Variants in UAP1L1 observed in about 807,000 individuals in gnomAD.
The protein encoded by UAP1L1 is UDP-N-acetylhexosamine pyrophosphorylase-like protein 1.
A neutral mutation model predicts 45.3 loss-of-function variants in UAP1L1; 45 were observed. The ratio of observed to expected loss-of-function variants is 0.99; its 90% CI spans 0.78 to 1.27. The LOEUF (loss-of-function observed/expected upper bound fraction) is 1.27, where lower values mean the gene tolerates loss of function less well. UAP1L1 is among the 50% of genes most tolerant of loss of function. The pLI, the probability that UAP1L1 is intolerant of heterozygous loss-of-function variation, is 0.00. For synonymous variants in UAP1L1, 323 were observed against 303.9 expected, an observed-to-expected ratio of 1.06 and a Z score of -0.65; for missense variants, 667 against 694.0, an observed-to-expected ratio of 0.96 and a Z score of 0.44.
chr9:137,077,876 G>GTT lies in UAP1L1; in HGVS notation c.289+56_289+57insTT, dbSNP rs1382166453. On this transcript the variant is annotated intron_variant, in intron 1 of 8. Coordinates refer to ENST00000409858, the MANE Select transcript of UAP1L1 (RefSeq NM_207309.3). This position sits in a 1 kb window ranked among gnomAD's most constrained non-coding sequence, Gnocchi z 4.7. ...GCAGGGGGTCGTGCCCACGGAGCGG[G>GTT]TGGGAACCGAGGCCGCGCTCGGGGA... 5.5e-6 allele frequency: 8 copies of GTT among 1,464,250 alleles called. 1 individual carries two copies. The highest frequency in any genetic ancestry group is 4.6e-5 in the Admixed American group (2 of 43,178). 90.7% of individuals were successfully genotyped at this position (1,464,250 alleles called of 1,614,324 possible).
At chr9:137,081,308 T>C (rs1832784695) in intron 7 of UAP1L1, among the ~76,000 whole-genome samples, 3 of 151,916 alleles carry the variant, frequency 2.0e-5, no homozygotes, top group Admixed American at 6.6e-5. Flanking sequence ...TTTCCGCCAT[T>C]CTCCTGCCTC....
In UAP1L1 at chr9:137,078,982, A is replaced by G. The variant is rs985997414; in HGVS notation, c.677A>G (p.Asn226Ser). The G allele has an allele frequency of 1.3e-5, 20 of 1,587,228 alleles. 1 individual carries two copies. In the Middle Eastern group the frequency reaches 1.7e-3, roughly 133 times the overall value. ...TTCCCTTCTCCGTCTGCAGACGGCA[A>G]CGGGGGCCTCTACTGCGCGCTGGAG... is the stretch of plus-strand genomic sequence containing the variant. ...KDKVAMAPDG[N>S]GGLYCALEDH... Residue 226 changes from asparagine to serine, a missense_variant, in exon 4 of 9, where the codon AAC becomes AGC. Physicochemically the swap from Asn to Ser is conservative, Grantham distance 46 (BLOSUM62 1). Coordinates refer to ENST00000409858, the MANE Select transcript of UAP1L1 (RefSeq NM_207309.3).
At chr9:137,079,812 G>A (rs1832763156) in intron 5 of UAP1L1, 190 bp from the exon 6 acceptor site, 1 of 677,330 alleles carries the variant, frequency 1.5e-6, no homozygotes, top group Non-Finnish European at 2.5e-6. Context: ...CTTGGCACAG[G>A]GATGCAGGGA....
rs1339552841 is a variant in UAP1L1, at chr9:137,080,765, A to G, written c.1255A>G (p.Ser419Gly). ...GAACGCAGAGCCAGCCGACAGGGACAGTCCCCGCACCGCTCGCCAGGCCCT... is the reference window on the plus strand; with the variant it reads ...GAACGCAGAGCCAGCCGACAGGGACGGTCCCCGCACCGCTCGCCAGGCCCT... ...LKNAEPADRD[S>G]PRTARQALLT... The change falls in exon 7 of 9, where the codon AGT becomes GGT. Residue 419 changes from serine (S) to glycine (G), a missense_variant. By Grantham distance (56) the Ser-to-Gly change is moderately conservative. Coordinates refer to ENST00000409858, the MANE Select transcript of UAP1L1 (RefSeq NM_207309.3). 4 of 1,612,832 alleles carry G rather than the reference A, an allele frequency of 2.5e-6. No homozygotes were observed. The highest frequency in any genetic ancestry group is 3.4e-6 in the Non-Finnish European group (4 of 1,179,940).
rs1832803975 is a variant in UAP1L1 at position 137,082,442 on chromosome 9, G to A, written c.1432-195G>A. On this transcript the variant is annotated intron_variant, in intron 8 of 8. Transcript: ENST00000409858. This position sits in a 1 kb window ranked among gnomAD's most constrained non-coding sequence, Gnocchi z 5.7. ...GACAGGAGGGTCCCCTGCTGGCCTAGGGTCTTGAGTGTGGTCTTGGGTGGC... is the reference window on the plus strand; with the variant it reads ...GACAGGAGGGTCCCCTGCTGGCCTAAGGTCTTGAGTGTGGTCTTGGGTGGC... The A allele has an allele frequency of 1.7e-6, 1 of 599,358 alleles. No homozygotes were observed. The highest frequency in any genetic ancestry group is 1.9e-5 in the African/African-American group (1 of 53,800). 37.1% of individuals were successfully genotyped at this position (599,358 alleles called of 1,614,324 possible).
chr9:137,079,090 TG>T lies in UAP1L1; in HGVS notation c.787del (p.Ala263ArgfsTer90), dbSNP rs757722223. The T allele has an allele frequency of 3.7e-6, 6 of 1,611,368 alleles. No homozygotes were observed. The African/African-American group carries it at 8.0e-5, about 22-fold the overall frequency. On this transcript the variant is annotated frameshift_variant, in exon 4 of 9. Transcript: ENST00000409858. LOFTEE classifies it high-confidence loss of function. ...TGTGTGGACAACATCCTGGTGCGGC[TG>T]GCGGACCCTGTCTTCATCGGCTTCT... ...VYCVDNILVR[L>X]ADPVFIGFCV...
intron 5 of UAP1L1, chr9:137,079,752 G>C: frequency 1.7e-6 from 1 of 602,812 alleles, no homozygotes; most frequent in East Asian, 2.9e-5. Context: ...CTGCTCTGGG[G>C]CTTGCCAGTT....
rs1832807406 is a variant in UAP1L1 at position 137,082,624 on chromosome 9, T to G, written c.1432-13T>G. On this transcript the variant is annotated splice_polypyrimidine_tract_variant and intron_variant, in intron 8 of 8. Transcript: ENST00000409858. The surrounding 1 kb of genome is among the most constrained non-coding windows in gnomAD (Gnocchi z 5.7). ...AGGTGGGTACTTGGCCATTGTCCCC[T>G]GCTCGTCTCCAGGGTTTAGAAGTGT... 1 of 1,550,878 alleles carries G rather than the reference T, an allele frequency of 6.4e-7. No individual in the cohort carries two copies. Among genetic ancestry groups the G allele is most frequent in the Non-Finnish European group, 8.7e-7 (1 of 1,146,410 alleles).
In UAP1L1 at chr9:137,082,961, AGTGGCGACAGCCTGCTGGGGGCTCT is replaced by A; in HGVS notation, c.*238_*262del. On this transcript the variant is annotated 3_prime_UTR_variant, in exon 9 of 9. Transcript: ENST00000409858. The surrounding 1 kb of genome is among the most constrained non-coding windows in gnomAD (Gnocchi z 5.7). The stretch of plus-strand genomic sequence containing the variant: ...GCCTCTCCTGTCGCCTCTGGACACA[AGTGGCGACAGCCTGCTGGGGGCTCT>A]GTGGCTCCATTCCTGGCTGTGGGGT... 1 of 518,650 alleles carries A rather than the reference AGTGGCGACAGCCTGCTGGGGGCTCT, an allele frequency of 1.9e-6. No homozygotes were observed. The highest frequency in any genetic ancestry group is 3.5e-6 in the Non-Finnish European group (1 of 284,320). 32.1% of individuals were successfully genotyped at this position (518,650 alleles called of 1,614,324 possible). A position where few individuals can be genotyped will look rare whatever the true frequency, so the allele number is the denominator to read the frequency against.
At position 137,080,702 on chromosome 9, in the gene UAP1L1, T is replaced by G. The variant is rs775539233; in HGVS notation, c.1192T>G (p.Leu398Val). ...VFRFAKNFAA[L>V]EVLREEEFSP... Reference sequence around the variant, plus strand: ...TTTCCCCACCAGGAACTTTGCTGCCTTGGAAGTGCTGCGGGAGGAGGAATT... The same window carrying G: ...TTTCCCCACCAGGAACTTTGCTGCCGTGGAAGTGCTGCGGGAGGAGGAATT... Residue 398 changes from leucine to valine, a missense_variant, in exon 7 of 9, where the codon TTG (leucine) becomes GTG (valine). Leu to Val is a conservative substitution (Grantham distance 32). Coordinates refer to ENST00000409858, the MANE Select transcript of UAP1L1 (RefSeq NM_207309.3). The G allele has an allele frequency of 4.3e-6, 7 of 1,611,494 alleles. No individual in the cohort carries two copies. Among genetic ancestry groups the G allele is most frequent in the Non-Finnish European group, 5.9e-6 (7 of 1,179,134 alleles).
intron 6 of UAP1L1, chr9:137,080,368 C>A: frequency 1.6e-6 from 1 of 610,380 alleles, no homozygotes; most frequent in Non-Finnish European, 2.9e-6. Context: ...ACAGTAGTGC[C>A]ACCTCCCGGA....
rs748864656 is a variant in UAP1L1 at position 137,078,299 on chromosome 9, AC to A, written c.494+46del. 4.7e-5 allele frequency: 71 copies of A among 1,504,478 alleles called. No homozygotes were observed. In the South Asian group the frequency reaches 5.5e-4, roughly 12 times the overall value. The allele number at this position is 1,504,478 out of a possible 1,614,324, so 93.2% of individuals were successfully genotyped here. A position where few individuals can be genotyped will look rare whatever the true frequency, so the allele number is the denominator to read the frequency against. ...CCTCGGCCCGGAGGTACCCTTCCCCACGCCCCCCCACATCCCCGCTCCAGAC... is the reference window on the plus strand; with the variant it reads ...CCTCGGCCCGGAGGTACCCTTCCCCAGCCCCCCCACATCCCCGCTCCAGAC... On this transcript the variant is annotated intron_variant, in intron 2 of 8. Coordinates refer to ENST00000409858, the MANE Select transcript of UAP1L1 (RefSeq NM_207309.3).
chr9:137,082,563 C>T lies in UAP1L1; in HGVS notation c.1432-74C>T. On this transcript the variant is annotated intron_variant, in intron 8 of 8. Transcript: ENST00000409858. The surrounding 1 kb of genome is among the most constrained non-coding windows in gnomAD (Gnocchi z 5.7). ...CTGGGATCGCACCTGGGGACTGTGG[C>T]TCTTGGTGTGGCCAGAGGGGCTGTG... 1 of 1,264,388 alleles carries T rather than the reference C, an allele frequency of 7.9e-7. No individual in the cohort carries two copies. Among genetic ancestry groups the T allele is most frequent in the Non-Finnish European group, 1.1e-6 (1 of 889,884 alleles). 78.3% of individuals were successfully genotyped at this position (1,264,388 alleles called of 1,614,324 possible).
In UAP1L1 at chr9:137,082,622, C is replaced by T. The variant is rs1052605731; in HGVS notation, c.1432-15C>T. ...AAAGGTGGGTACTTGGCCATTGTCCCCTGCTCGTCTCCAGGGTTTAGAAGT... is the reference window on the plus strand; with the variant it reads ...AAAGGTGGGTACTTGGCCATTGTCCTCTGCTCGTCTCCAGGGTTTAGAAGT... On this transcript the variant is annotated splice_polypyrimidine_tract_variant and intron_variant, in intron 8 of 8. Coordinates refer to ENST00000409858, the MANE Select transcript of UAP1L1 (RefSeq NM_207309.3). The surrounding 1 kb of genome is among the most constrained non-coding windows in gnomAD (Gnocchi z 5.7). 1.9e-6 allele frequency: 3 copies of T among 1,550,566 alleles called. No individual in the cohort carries two copies. The highest frequency in any genetic ancestry group is 2.4e-5 in the South Asian group (2 of 84,034).
chr9:137,080,267 G>A (rs1832770204), intron 6 of UAP1L1, 125 bp downstream of exon 6: 1 of 1,285,672 alleles, frequency 7.8e-7, no homozygotes, highest in Admixed American at 1.9e-5. Context: ...GCAAGTCTCA[G>A]GGAGAAGACC....
rs1399658940 is a variant in UAP1L1, at chr9:137,082,045, T to C, written c.1412T>C (p.Leu471Ser). The C allele has an allele frequency of 1.9e-6, 3 of 1,614,000 alleles. No homozygotes were observed. The highest frequency in any genetic ancestry group is 2.7e-5 in the African/African-American group (2 of 75,030). Residue 471 changes from leucine to serine, a missense_variant, in exon 8 of 9, where the codon TTG becomes TCG. Coordinates refer to ENST00000409858, the MANE Select transcript of UAP1L1 (RefSeq NM_207309.3). This position sits in a 1 kb window ranked among gnomAD's most constrained non-coding sequence, Gnocchi z 5.7. ...DPPAICEISP[L>S]VSYSGEGLEV... ...CCGGCCATCTGTGAGATATCGCCCT[T>C]GGTGTCTTACTCTGGAGAGGTGAGA...
intron 5 of UAP1L1, 98 bp downstream of exon 5, chr9:137,079,547 C>T: frequency 3.2e-6 from 4 of 1,248,692 alleles, no homozygotes; most frequent in Non-Finnish European, 4.4e-6. Context: ...TGGGCCACAG[C>T]GGCTGTGGTC....
chr9:137,082,164 C>G lies in UAP1L1; in HGVS notation c.1431+100C>G, dbSNP rs1031223486. ...TCGGGTGGAGACGGCACAGCTCTAC[C>G]TCGGTTAACCAATGGGGTCGGTGGT... On this transcript the variant is annotated intron_variant, in intron 8 of 8. Transcript: ENST00000409858. This position sits in a 1 kb window ranked among gnomAD's most constrained non-coding sequence, Gnocchi z 5.7. 2.6e-6 allele frequency: 3 copies of G among 1,164,796 alleles called. No individual in the cohort carries two copies. The Middle Eastern group carries it at 5.8e-4, about 226-fold the overall frequency. The allele number at this position is 1,164,796 out of a possible 1,614,324, so 72.2% of individuals were successfully genotyped here. A position where few individuals can be genotyped will look rare whatever the true frequency, so the allele number is the denominator to read the frequency against.
intron 3 of UAP1L1, 37 bp downstream of exon 3, chr9:137,078,714 G>T: frequency 2.3e-5 from 37 of 1,583,618 alleles, no homozygotes; most frequent in Non-Finnish European, 3.2e-5. Context: ...GGACCGCCCA[G>T]ACTAGAACTG....
Sources: gnomAD v4.1 joint callset for allele counts (sites outside exome capture counted in the v4.1 genomes callset) on GRCh38, gnomAD v4.1.1 for gene constraint, Gnocchi (gnomAD v3.1) non-coding constraint, MANE v1.5 for transcripts, NCBI Gene and HGNC (gene_info 2026-07-23, HGNC 2026-07-21) for gene names.